Variants in BBS9 observed in about 807,000 individuals in gnomAD.
The protein encoded by BBS9 is Bardet-Biedl syndrome 9.
BBS9 carries 89 observed loss-of-function variants against 117.7 expected under a neutral mutation model. That is an observed-to-expected ratio of 0.76 (90% CI 0.64 to 0.90). The LOEUF (loss-of-function observed/expected upper bound fraction) is 0.90, where lower values mean the gene tolerates loss of function less well. Ranked by LOEUF, BBS9 falls within the 40% of genes least tolerant of loss-of-function variation. The pLI is 0.00. For synonymous variants in BBS9, 379 were observed against 370.9 expected, an observed-to-expected ratio of 1.02 and a Z score of -0.25; for missense variants, 982 against 1,042.2, an observed-to-expected ratio of 0.94 and a Z score of 0.80.
intron 5 of BBS9, among the ~76,000 whole-genome samples, chr7:33,225,379 C>T (rs374590937): frequency 3.9e-5 from 6 of 152,092 alleles, no homozygotes; most frequent in African/African-American, 4.8e-5. Flanking sequence ...AATATTTTTT[C>T]ATAGAGATGG....
intron 19 of BBS9, among the ~76,000 whole-genome samples, chr7:33,431,230 T>G (rs1266491336): frequency 6.6e-6 from 1 of 151,034 alleles, no homozygotes; most frequent in Non-Finnish European, 1.5e-5. Flanking sequence ...AAAATGGTAC[T>G]GGTTACCTAA....
At chr7:33,526,536 A>G (rs111923635) in intron 20 of BBS9, among the ~76,000 whole-genome samples, 78,652 of 145,724 alleles carry the variant, frequency 0.54, 22,139 homozygotes, top group African/African-American at 0.72. Context: ...CCAGTTGATC[A>G]CATCAGCTCC....
chr7:33,478,875 GT>G (rs10716942), intron 19 of BBS9, among the ~76,000 whole-genome samples: 76,806 of 130,034 alleles, frequency 0.59, 22,096 homozygotes, highest in South Asian at 0.7. Context: ...ATGTTAGTGG[GT>G]TTTTTTTTTT....
chr7:33,468,586 G>A (rs1057382443), intron 19 of BBS9, among the ~76,000 whole-genome samples: 9 of 152,026 alleles, frequency 5.9e-5, no homozygotes, highest in Non-Finnish European at 1.0e-4. Flanking sequence ...TCATCCTACT[G>A]TGCTATCAAG....
chr7:33,279,224 T>TA (rs1365078951), intron 9 of BBS9, among the ~76,000 whole-genome samples: 2 of 152,068 alleles, frequency 1.3e-5, no homozygotes, highest in Non-Finnish European at 2.9e-5. Flanking sequence ...TATAGGCATA[T>TA]GCCACCATTC....
chr7:33,424,454 A>G (rs377119217), intron 19 of BBS9, among the ~76,000 whole-genome samples: 6 of 152,282 alleles, frequency 3.9e-5, no homozygotes, highest in African/African-American at 4.8e-5. Flanking sequence ...TCAAACGAGA[A>G]GAGATGTTTT....
chr7:33,228,784 T>G (rs1346410951), intron 5 of BBS9, among the ~76,000 whole-genome samples: 1 of 152,152 alleles, frequency 6.6e-6, no homozygotes, highest in East Asian at 1.9e-4. Context: ...TTTGTCATCT[T>G]CACGTTGAAT....
intron 21 of BBS9, among the ~76,000 whole-genome samples, chr7:33,542,080 A>G (rs1285540879): frequency 6.9e-6 from 1 of 144,862 alleles, no homozygotes; most frequent in Non-Finnish European, 1.5e-5. Flanking sequence ...ATTTGGTAAC[A>G]TGAGTAAGTT....
At chr7:33,219,180 C>T (rs1435639892) in intron 5 of BBS9, among the ~76,000 whole-genome samples, 1 of 152,202 alleles carries the variant, frequency 6.6e-6, no homozygotes, top group Non-Finnish European at 1.5e-5. Flanking sequence ...GCGCTGCGCT[C>T]AATTTCTCAC....
rs1255562311 is a variant in BBS9 at position 33,616,491 on chromosome 7, G to GTATATATA, written c.2522-18685_2522-18684insATATATAT. Among the ~76,000 whole-genome samples the GTATATATA allele has an allele frequency of 9.0e-4, 125 of 138,738 alleles. 1 individual carries two copies. The highest frequency in any genetic ancestry group is 3.4e-3 in the African/African-American group (124 of 36,464). 91.0% of individuals were successfully genotyped at this position (138,738 alleles called of 152,430 possible). On this transcript the variant is annotated intron_variant, in intron 21 of 21. Coordinates refer to the BBS9 transcript ENST00000671952. The stretch of plus-strand genomic sequence containing the variant: ...CTTTATATAATATATGTGTGTGTGT[G>GTATATATA]TGTATATATATATATATATATATAT...
At chr7:33,276,378 T>C (rs1056156766) in intron 9 of BBS9, among the ~76,000 whole-genome samples, 1 of 152,164 alleles carries the variant, frequency 6.6e-6, no homozygotes, top group Admixed American at 6.5e-5. Context: ...AGGCAGTAAA[T>C]GGACAATTTC....
chr7:33,294,278 CCATCTATCTAT>C (rs1226905777), intron 9 of BBS9, among the ~76,000 whole-genome samples: 10 of 151,730 alleles, frequency 6.6e-5, no homozygotes, highest in Non-Finnish European at 1.3e-4. Flanking sequence ...CACAATACTT[CCATCTATCTAT>C]CATCTATCTA....
intron 6 of BBS9, 39 bp from the exon 7 acceptor site, chr7:33,264,251 A>G: frequency 9.4e-7 from 1 of 1,068,266 alleles, no homozygotes; most frequent in African/African-American, 1.6e-5. Flanking sequence ...ATTTTTAATT[A>G]TAAACTCATT....
chr7:33,267,617 A>G (rs1460615943), intron 7 of BBS9, among the ~76,000 whole-genome samples: 1 of 152,106 alleles, frequency 6.6e-6, no homozygotes, highest in African/African-American at 2.4e-5. Flanking sequence ...TATATATAAT[A>G]TAAGAAGTAT....
At chr7:33,246,416 A>G (rs75474951) in intron 5 of BBS9, among the ~76,000 whole-genome samples, 9,341 of 151,992 alleles carry the variant, frequency 0.061, 337 homozygotes, top group African/African-American at 0.078. Context: ...AGTTGATAAT[A>G]TGTAAAAAGC....
intron 21 of BBS9, among the ~76,000 whole-genome samples, chr7:33,581,741 T>C (rs1455403058): frequency 6.6e-6 from 1 of 152,174 alleles, no homozygotes; most frequent in Non-Finnish European, 1.5e-5. Context: ...AAATCATTTA[T>C]ATGATCTCAT....
intron 9 of BBS9, among the ~76,000 whole-genome samples, chr7:33,287,382 C>A (rs562277132): frequency 2.3e-4 from 35 of 152,228 alleles, no homozygotes; most frequent in Middle Eastern, 3.4e-3. Context: ...AGTGATGGTG[C>A]ATGTTTACAT....
At chr7:33,197,911 A>G (rs528897754) in intron 5 of BBS9, among the ~76,000 whole-genome samples, 21 of 152,102 alleles carry the variant, frequency 1.4e-4, no homozygotes, top group African/African-American at 4.6e-4. Context: ...GAATCATATT[A>G]TATGTGTTTA....
At chr7:33,339,789 G>A (rs954979267) in intron 10 of BBS9, among the ~76,000 whole-genome samples, 2 of 152,052 alleles carry the variant, frequency 1.3e-5, no homozygotes, top group African/African-American at 4.8e-5. Flanking sequence ...TAAGTCCCAT[G>A]TTCATGGCTA....
Sources: allele counts gnomAD v4.1 joint callset (sites outside exome capture counted in the v4.1 genomes callset), GRCh38; gene constraint gnomAD v4.1.1; transcripts MANE v1.5; gene names NCBI Gene and HGNC (gene_info 2026-07-23, HGNC 2026-07-21).